Variants in AHNAK2 observed in about 807,000 individuals in gnomAD.
The protein encoded by AHNAK2 is protein AHNAK2.
Under a neutral mutation model 30.7 loss-of-function variants are expected in AHNAK2, and 18 were observed. That is an observed-to-expected ratio of 0.59 (90% CI 0.41 to 0.87). AHNAK2 has a LOEUF of 0.87. AHNAK2 is among the 40% of genes least tolerant of loss of function. The probability of loss-of-function intolerance (pLI) is 0.00; values close to 1 mark genes in which losing one functional copy is unlikely to be tolerated. For missense variants in AHNAK2, 8,604 were observed against 7,373.0 expected, an observed-to-expected ratio of 1.17 and a Z score of -6.11; for synonymous variants, 3,590 against 3,073.8, an observed-to-expected ratio of 1.17 and a Z score of -5.56.
At position 104,947,883 on chromosome 14, in the gene AHNAK2, T is replaced by C. The variant is rs1321413792; in HGVS notation, c.7568A>G (p.Gln2523Arg). 1 of 1,612,608 alleles carries C rather than the reference T, an allele frequency of 6.2e-7. No individual in the cohort carries two copies. Among genetic ancestry groups the C allele is most frequent in the African/African-American group, 1.3e-5 (1 of 74,526 alleles). The change falls in exon 7 of 7, where the codon CAG becomes CGG. Residue 2523 changes from glutamine to arginine, a missense_variant. By Grantham distance (43) the Gln-to-Arg change is conservative (BLOSUM62 1). Coordinates refer to ENST00000333244, the MANE Select transcript of AHNAK2 (RefSeq NM_138420.4). ...VEADGSLSSM[Q>R]GDLKATDLSI... The stretch of plus-strand genomic sequence containing the variant: ...GAGGTCAGTGGCCTTGAGGTCCCCC[T>C]GCATGGAGGAGAGGCTCCCGTCGGC...
Position 104,938,123 on chromosome 14 carries a change from C to T in AHNAK2, c.17328G>A (p.Glu5776=). The stretch of plus-strand genomic sequence containing the variant: ...TTTCATCGTCAGCTTTTCTGTCCTG[C>T]TCGGGCAGGATTAACTCTGTTCTTG... The part of the protein sequence containing the change: ...SAARTELILP[E]QDRKADDESK... Residue 5776 remains glutamate (E), a synonymous_variant, in exon 7 of 7, where the codon GAG becomes GAA. Transcript: ENST00000333244. The T allele has an allele frequency of 6.2e-7, 1 of 1,614,010 alleles. No homozygotes were observed. Among genetic ancestry groups the T allele is most frequent in the East Asian group, 2.2e-5 (1 of 44,890 alleles).
At chr14:104,958,454 GA>G (rs1010109004) in intron 1 of AHNAK2, among the ~76,000 whole-genome samples, 91 of 143,250 alleles carry the variant, frequency 6.4e-4, no homozygotes, top group African/African-American at 1.8e-3. Context: ...GTCTCAAAAA[GA>G]AAAAAAAAAG....
intron 1 of AHNAK2, among the ~76,000 whole-genome samples, chr14:104,960,189 A>C (rs1285450065): frequency 6.6e-6 from 1 of 152,232 alleles, no homozygotes. Flanking sequence ...ATATAGATAC[A>C]GTATATACGT....
Position 104,945,196 on chromosome 14 carries a change from C to G in AHNAK2, c.10255G>C (p.Asp3419His). Residue 3419 changes from aspartate (D) to histidine (H), a missense_variant, in exon 7 of 7, where the codon GAC (aspartate) becomes CAC (histidine). By Grantham distance (81) the Asp-to-His change is moderately conservative (BLOSUM62 -1). Transcript: ENST00000333244. The part of the protein sequence containing the change: ...PQVDIKGPKL[D>H]LKVPKAEVTV... ...ACTTCCGCCTTGGGGACTTTTAGGT[C>G]CAGCTTGGGGCCCTTGATGTCCACC... The G allele has an allele frequency of 1.2e-6, 2 of 1,613,292 alleles. No individual in the cohort carries two copies. The highest frequency in any genetic ancestry group is 1.7e-6 in the Non-Finnish European group (2 of 1,179,716).
At position 104,945,657 on chromosome 14, in the gene AHNAK2, G is replaced by A. The variant is rs1478310302; in HGVS notation, c.9794C>T (p.Pro3265Leu). 6.3e-7 allele frequency: 1 copy of A among 1,580,296 alleles called. No homozygotes were observed. The highest frequency in any genetic ancestry group is 1.4e-5 in the African/African-American group (1 of 72,888). ...LKGPKMDVTAPDVEVSQPSME... is the reference protein window; with the variant it reads ...LKGPKMDVTALDVEVSQPSME... The stretch of plus-strand genomic sequence containing the variant: ...GCTGGGCTGAGACACCTCCACGTCG[G>A]GGGCCGTCACATCCATCTTCGGGCC... Residue 3265 changes from proline (P) to leucine (L), a missense_variant, in exon 7 of 7, where the codon CCC becomes CTC. Pro to Leu is a moderately conservative substitution (Grantham distance 98). Transcript: ENST00000333244.
rs772017819 is a variant in AHNAK2 at position 104,939,502 on chromosome 14, C to T, written c.15949G>A (p.Glu5317Lys). The T allele has an allele frequency of 6.2e-7, 1 of 1,613,626 alleles. No homozygotes were observed. The highest frequency in any genetic ancestry group is 1.1e-5 in the South Asian group (1 of 91,082). The change falls in exon 7 of 7, where the codon GAA becomes AAA. Residue 5317 changes from glutamate (E) to lysine (K), a missense_variant. Transcript: ENST00000333244. ...ATTTCTCCTGGAAGAACCTGGGTTT[C>T]TGGAAGCCTCATGCCAGGCATCTGA... is the stretch of plus-strand genomic sequence containing the variant. The part of the protein sequence containing the change: ...PFQMPGMRLP[E>K]TQVLPGEIDE...
In AHNAK2 at chr14:104,949,095, A is replaced by G. The variant is rs1418241402; in HGVS notation, c.6356T>C (p.Met2119Thr). 2 of 1,069,354 alleles carry G rather than the reference A, an allele frequency of 1.9e-6. 1 individual carries two copies. The allele number at this position is 1,069,354 out of a possible 1,614,324, so 66.2% of individuals were successfully genotyped here. A position where few individuals can be genotyped will look rare whatever the true frequency, so the allele number is the denominator to read the frequency against. Residue 2119 changes from methionine (M) to threonine (T), a missense_variant, in exon 7 of 7, where the codon ATG (methionine) becomes ACG (threonine). Physicochemically the swap from Met to Thr is moderately conservative, Grantham distance 81. Transcript: ENST00000333244. ...TCTTGGGGCCTGGACGTCCACCTCCATGCTGGGCAGAGACACCTCGACATC... is the reference window on the plus strand; with the variant it reads ...TCTTGGGGCCTGGACGTCCACCTCCGTGCTGGGCAGAGACACCTCGACATC... The part of the protein sequence containing the change: ...VPDVEVSLPS[M>T]EVDVQAPRAK...
rs756647797 is a variant in AHNAK2 at position 104,944,036 on chromosome 14, C to T, written c.11415G>A (p.Met3805Ile). The T allele has an allele frequency of 1.2e-6, 2 of 1,613,248 alleles. No individual in the cohort carries two copies. The change falls in exon 7 of 7, where the codon ATG becomes ATA. Residue 3805 changes from methionine to isoleucine, a missense_variant. Met to Ile is a conservative substitution (Grantham distance 10). Coordinates refer to ENST00000333244, the MANE Select transcript of AHNAK2 (RefSeq NM_138420.4). ...CAAATGACGGCATCTTGAACTTGGG[C>T]ATTTTGAATTTGCTGTCTTTGGCAG... ...DVTAKDSKFKMPKFKMPSFGV... is the reference protein window; with the variant it reads ...DVTAKDSKFKIPKFKMPSFGV...
rs753675332 is a variant in AHNAK2, at chr14:104,952,990, G to T, written c.2461C>A (p.Leu821Met). 1 of 1,612,874 alleles carries T rather than the reference G, an allele frequency of 6.2e-7. No individual in the cohort carries two copies. The highest frequency in any genetic ancestry group is 1.1e-5 in the South Asian group (1 of 91,022). The part of the protein sequence containing the change: ...DGARLEGDLS[L>M]ADKEVTAKDS... ...TTGGCAGTCACCTCCTTGTCGGCCA[G>T]GGACAGGTCCCCCTCCAGCCGCGCA... The change falls in exon 7 of 7, where the codon CTG becomes ATG. Residue 821 changes from leucine (L) to methionine (M), a missense_variant. Transcript: ENST00000333244.
chr14:104,952,488 T>C lies in AHNAK2; in HGVS notation c.2963A>G (p.Asp988Gly). The C allele has an allele frequency of 6.2e-7, 1 of 1,612,654 alleles. No homozygotes were observed. The highest frequency in any genetic ancestry group is 1.1e-5 in the South Asian group (1 of 91,038). ...AWLEGDLSLA[D>G]KDVTAKDSKF... is the part of the protein sequence containing the mutation. ...GCTGTCTTTGGCAGTCACGTCCTTG[T>C]CGGCCAGGGACAGGTCCCCCTCCAG... Residue 988 changes from aspartate to glycine, a missense_variant, in exon 7 of 7, where the codon GAC becomes GGC. Asp to Gly is a moderately conservative substitution (Grantham distance 94). Transcript: ENST00000333244.
At position 104,937,855 on chromosome 14, in the gene AHNAK2, G is replaced by T; in HGVS notation, c.*208C>A. On this transcript the variant is annotated 3_prime_UTR_variant, in exon 7 of 7. Coordinates refer to ENST00000333244, the MANE Select transcript of AHNAK2 (RefSeq NM_138420.4). The stretch of plus-strand genomic sequence containing the variant: ...TCAGGGTGCCTTCTTTGCATCCAAA[G>T]CTTTGAGGGAGCTGGGAAGCTTTGG... The T allele has an allele frequency of 1.9e-6, 1 of 535,966 alleles. No individual in the cohort carries two copies. The allele number at this position is 535,966 out of a possible 1,614,324, so 33.2% of individuals were successfully genotyped here.
rs374783097 is a variant in AHNAK2, at chr14:104,950,427, T to C, written c.5024A>G (p.Lys1675Arg). Residue 1675 changes from lysine (K) to arginine (R), a missense_variant, in exon 7 of 7, where the codon AAG becomes AGG. Transcript: ENST00000333244. ...CACATCCACCGAGGCCTCGATGGACTTGCCTGGGGCCGACACCCCAAATGA... is the reference window on the plus strand; with the variant it reads ...CACATCCACCGAGGCCTCGATGGACCTGCCTGGGGCCGACACCCCAAATGA... The part of the protein sequence containing the change: ...MPSFGVSAPG[K>R]SIEASVDVSE... The C allele has an allele frequency of 1.8e-4, 284 of 1,586,450 alleles. 35 individuals carry two copies. The African/African-American group carries it at 2.2e-3, about 12-fold the overall frequency.
rs1223419219 is a variant in AHNAK2 at position 104,944,780 on chromosome 14, G to A, written c.10671C>T (p.Pro3557=). Residue 3557 remains proline, a synonymous_variant, in exon 7 of 7, where the codon CCC becomes CCT. Transcript: ENST00000333244. ...TCTTTAAACTGGGCATCTCCACTTT[G>A]GGCAGGTGCCCTTTGAGGCCGGCTC... ...PEGAGLKGHL[P]KVEMPSLKTP... 6.2e-7 allele frequency: 1 copy of A among 1,612,816 alleles called. No homozygotes were observed. Among genetic ancestry groups the A allele is most frequent in the East Asian group, 2.2e-5 (1 of 44,764 alleles).
chr14:104,960,465 A>G (rs1899105509), intron 1 of AHNAK2, among the ~76,000 whole-genome samples: 1 of 152,248 alleles, frequency 6.6e-6, no homozygotes, highest in Non-Finnish European at 1.5e-5. Flanking sequence ...AGATGTATGT[A>G]GGTTATTTGC....
intron 1 of AHNAK2, among the ~76,000 whole-genome samples, chr14:104,977,743 GC>G (rs892175886): frequency 3.3e-5 from 5 of 152,178 alleles, no homozygotes; most frequent in African/African-American, 1.2e-4. Context: ...GGTCCCGGCG[GC>G]CCCGGCTTTC....
Position 104,944,497 on chromosome 14 carries a change from C to T in AHNAK2, c.10954G>A (p.Ala3652Thr). The T allele has an allele frequency of 1.2e-6, 2 of 1,613,088 alleles. No homozygotes were observed. The highest frequency in any genetic ancestry group is 1.7e-6 in the Non-Finnish European group (2 of 1,179,616). ...KFKMPSFRVSAPGKSMEASVD... is the reference protein window; with the variant it reads ...KFKMPSFRVSTPGKSMEASVD... ...GAGGCCTCCATGGACTTCCCTGGGG[C>T]CGATACCCTGAATGACGGCATCTTG... The change falls in exon 7 of 7, where the codon GCC becomes ACC. Residue 3652 changes from alanine to threonine, a missense_variant. Transcript: ENST00000333244.
At position 104,953,544 on chromosome 14, in the gene AHNAK2, T is replaced by A; in HGVS notation, c.1907A>T (p.Lys636Ile). 1.9e-6 allele frequency: 3 copies of A among 1,614,034 alleles called. No homozygotes were observed. In the South Asian group the frequency reaches 3.3e-5, roughly 18 times the overall value. ...QRRTEEGLKD[K>I]EDSDSMTNTT... is the part of the protein sequence containing the mutation. ...GTTTGTCATTGAGTCACTGTCTTCT[T>A]TGTCTTTTAATCCTTCCTCTGTGCG... Residue 636 changes from lysine to isoleucine, a missense_variant, in exon 7 of 7, where the codon AAA becomes ATA. By Grantham distance (102) the Lys-to-Ile change is moderately radical. Coordinates refer to ENST00000333244, the MANE Select transcript of AHNAK2 (RefSeq NM_138420.4).
At position 104,947,254 on chromosome 14, in the gene AHNAK2, T is replaced by G; in HGVS notation, c.8197A>C (p.Lys2733Gln). The G allele has an allele frequency of 6.2e-7, 1 of 1,611,588 alleles. No homozygotes were observed. Among genetic ancestry groups the G allele is most frequent in the South Asian group, 1.1e-5 (1 of 91,006 alleles). Reference protein sequence around the residue: ...EGAGLKGHLPKLQMPSFKMPE... With the variant: ...EGAGLKGHLPQLQMPSFKMPE... The stretch of plus-strand genomic sequence containing the variant: ...ATCTTGAAACTGGGCATCTGCAGCT[T>G]GGGCAGGTGCCCTTTGAGGCCGGCT... The change falls in exon 7 of 7, where the codon AAG (lysine) becomes CAG (glutamine). Residue 2733 changes from lysine (K) to glutamine (Q), a missense_variant. Transcript: ENST00000333244.
rs761821709 is a variant in AHNAK2 at position 104,952,880 on chromosome 14, A to G, written c.2571T>C (p.Asp857=). ...CGGCCTCCACCTTCGGCGCAGACAC[A>G]TCCACCGAGTCCTCCATGGACTTGC... ...APGKSMEDSV[D]VSAPKVEADV... The change falls in exon 7 of 7, where the codon GAT becomes GAC. Residue 857 remains aspartate, a synonymous_variant. Coordinates refer to ENST00000333244, the MANE Select transcript of AHNAK2 (RefSeq NM_138420.4). 6 of 1,611,792 alleles carry G rather than the reference A, an allele frequency of 3.7e-6. No homozygotes were observed. The highest frequency in any genetic ancestry group is 5.1e-6 in the Non-Finnish European group (6 of 1,179,396).
Sources: allele counts gnomAD v4.1 joint callset (sites outside exome capture counted in the v4.1 genomes callset), GRCh38; gene constraint gnomAD v4.1.1; transcripts MANE v1.5; gene names NCBI Gene and HGNC (gene_info 2026-07-23, HGNC 2026-07-21).